The following EFCAB8 variants were observed in gnomAD, a reference collection of about 807,000 sequenced individuals.
EFCAB8 encodes EF-hand calcium binding domain 8, also known as EF-hand calcium-binding domain-containing protein 8.
A neutral mutation model predicts 116.3 loss-of-function variants in EFCAB8; 100 were observed. The observed-to-expected ratio is 0.86, with a 90% confidence interval of 0.73 to 1.02. The LOEUF (loss-of-function observed/expected upper bound fraction) is 1.02, where lower values mean the gene tolerates loss of function less well. Ranked by LOEUF, EFCAB8 falls within the 50% of genes least tolerant of loss-of-function variation. EFCAB8 has a pLI of 0.00. For missense variants in EFCAB8, 1,320 were observed against 1,416.9 expected, an observed-to-expected ratio of 0.93 and a Z score of 1.10; for synonymous variants, 558 against 567.9, an observed-to-expected ratio of 0.98 and a Z score of 0.25.
intron 5 of EFCAB8, among the ~76,000 whole-genome samples, chr20:32,884,359 G>A (rs1985498134): frequency 6.6e-6 from 1 of 152,156 alleles, no homozygotes; most frequent in Non-Finnish European, 1.5e-5. Flanking sequence ...GAGATGGCCT[G>A]TCCTTAGGGC....
intron 5 of EFCAB8, among the ~76,000 whole-genome samples, chr20:32,884,536 C>G (rs543182777): frequency 6.6e-6 from 1 of 152,186 alleles, no homozygotes; most frequent in African/African-American, 2.4e-5. Context: ...TGTCCAGACA[C>G]GTTTCCCTTG....
chr20:32,948,798 A>G (rs1039578468), intron 23 of EFCAB8, among the ~76,000 whole-genome samples: 3 of 152,190 alleles, frequency 2.0e-5, no homozygotes, highest in African/African-American at 7.2e-5. Context: ...ATCATTTGAC[A>G]AAATTCAACA....
intron 16 of EFCAB8, 122 bp from the exon 17 acceptor site, chr20:32,912,672 G>A (rs1365621544): frequency 1.0e-5 from 7 of 694,868 alleles, no homozygotes; most frequent in African/African-American, 9.0e-5. Context: ...GGTATCACCT[G>A]TAGGTGATTT....
intron 20 of EFCAB8, among the ~76,000 whole-genome samples, chr20:32,926,113 A>G (rs1053487046): frequency 2.0e-5 from 3 of 152,082 alleles, no homozygotes. Context: ...GCGCTCATTC[A>G]CCTTCACCCT....
chr20:32,893,279 C>T lies in EFCAB8; in HGVS notation c.864C>T (p.Leu288=), dbSNP rs946812712. The change falls in exon 9 of 27, where the codon CTC becomes CTT. Residue 288 remains leucine (L), a synonymous_variant. Transcript: ENST00000400522. The stretch of plus-strand genomic sequence containing the variant: ...GTGGGCTGTTCAACCCCCGTATCCT[C>T]CCCAGGGCCTCCAAGTGGGGTAGCT... ...MTSGLFNPRI[L]PRASKWDHWI... 6 of 1,551,708 alleles carry T rather than the reference C, an allele frequency of 3.9e-6. No homozygotes were observed. Among genetic ancestry groups the T allele is most frequent in the Non-Finnish European group, 5.2e-6 (6 of 1,147,010 alleles).
chr20:32,935,192 C>CTTTTTTTTTTTTTTT (rs753039647), intron 22 of EFCAB8, among the ~76,000 whole-genome samples: 23 of 34,042 alleles, frequency 6.8e-4, no homozygotes, highest in African/African-American at 1.1e-3. Context: ...TTCTTTCTTT[C>CTTTTTTTTTTTTTTT]TTTTTTTTTT....
intron 23 of EFCAB8, among the ~76,000 whole-genome samples, chr20:32,946,589 T>C (rs898430755): frequency 3.9e-5 from 6 of 152,206 alleles, no homozygotes; most frequent in African/African-American, 1.2e-4. Context: ...TCTTTGACTA[T>C]CCCCTAAATA....
At chr20:32,872,179 G>A (rs936302294) in intron 3 of EFCAB8, among the ~76,000 whole-genome samples, 3 of 152,172 alleles carry the variant, frequency 2.0e-5, no homozygotes, top group African/African-American at 7.2e-5. Flanking sequence ...GAATAGAATG[G>A]GGTTAAGAGC....
intron 1 of EFCAB8, among the ~76,000 whole-genome samples, chr20:32,862,763 G>T (rs867134806): frequency 7.2e-5 from 11 of 152,088 alleles, no homozygotes; most frequent in Middle Eastern, 3.2e-3. Flanking sequence ...AAGTAGCTGG[G>T]ATTACAGGAA....
chr20:32,896,274 G>C (rs972938182), intron 9 of EFCAB8, among the ~76,000 whole-genome samples, 180 bp from the exon 10 acceptor site: 5 of 152,158 alleles, frequency 3.3e-5, no homozygotes, highest in Non-Finnish European at 7.3e-5. Flanking sequence ...TCTTTTTCCT[G>C]GGGTGGGGGC....
chr20:32,892,195 C>T lies in EFCAB8; in HGVS notation c.674-18C>T. The T allele has an allele frequency of 1.3e-6, 2 of 1,550,650 alleles. No individual in the cohort carries two copies. The highest frequency in any genetic ancestry group is 4.9e-5 in the East Asian group (2 of 40,908). On this transcript the variant is annotated intron_variant, in intron 7 of 26. Coordinates refer to ENST00000400522, the MANE Select transcript of EFCAB8 (RefSeq NM_001143967.2). ...GGCATGGCTGTGGGCTCTATGTGGC[C>T]TTCTGTCTTTCCCCCAGATTTCTTT...
chr20:32,953,282 ATGGG>A (rs1988854327), intron 23 of EFCAB8, among the ~76,000 whole-genome samples: 1 of 152,168 alleles, frequency 6.6e-6, no homozygotes, highest in African/African-American at 2.4e-5. Flanking sequence ...TTCTGTGAAC[ATGGG>A]TGTGCAAGTA....
chr20:32,904,187 C>T (rs1049538422), intron 11 of EFCAB8, among the ~76,000 whole-genome samples: 1 of 151,448 alleles, frequency 6.6e-6, no homozygotes, highest in Non-Finnish European at 1.5e-5. Context: ...CAGATGGGAT[C>T]TTGCTGTGTT....
intron 24 of EFCAB8, among the ~76,000 whole-genome samples, 156 bp from the exon 25 acceptor site, chr20:32,959,622 C>T (rs1460165404): frequency 1.3e-5 from 2 of 152,142 alleles, no homozygotes; most frequent in Non-Finnish European, 2.9e-5. Context: ...TAATTCCATA[C>T]TTACTCAGTG....
At chr20:32,890,769 C>T (rs1985872949) in intron 7 of EFCAB8, among the ~76,000 whole-genome samples, 1 of 152,234 alleles carries the variant, frequency 6.6e-6, no homozygotes, top group African/African-American at 2.4e-5. Context: ...AGATGTCTGC[C>T]TATGAGCAAT....
intron 4 of EFCAB8, 72 bp from the exon 5 acceptor site, chr20:32,878,632 C>T (rs1362767540): frequency 4.8e-6 from 6 of 1,245,674 alleles, no homozygotes; most frequent in East Asian, 2.5e-5. Flanking sequence ...ATTCTCCTGC[C>T]GAGTTCTTGA....
chr20:32,899,112 G>A lies in EFCAB8; in HGVS notation c.1088+489G>A, dbSNP rs189410720. 1.4e-3 allele frequency among the ~76,000 whole-genome samples: 211 copies of A among 152,188 alleles called. 3 individuals are homozygous for A. The highest frequency in any genetic ancestry group is 4.8e-3 in the African/African-American group (201 of 41,534). ...TTGAAAAACTAGTTAGTCACCGGGC[G>A]CGGTGGCTCACGCCAGTAATCCCAG... On this transcript the variant is annotated intron_variant, in intron 11 of 26. Transcript: ENST00000400522.
intron 1 of EFCAB8, among the ~76,000 whole-genome samples, chr20:32,862,134 CTT>C (rs796463534): frequency 2.5e-4 from 35 of 141,724 alleles, no homozygotes; most frequent in Non-Finnish European, 2.8e-4. Flanking sequence ...TATTTCTTTT[CTT>C]TTTTTTTTTT....
chr20:32,935,192 C>CTTTTTTTTTTTTTTTTTTTTTTTT (rs753039647), intron 22 of EFCAB8, among the ~76,000 whole-genome samples: 17 of 34,044 alleles, frequency 5.0e-4, no homozygotes, highest in South Asian at 1.2e-3. Flanking sequence ...TTCTTTCTTT[C>CTTTTTTTTTTTTTTTTTTTTTTTT]TTTTTTTTTT....
Sources: gnomAD v4.1 joint callset for allele counts (sites outside exome capture counted in the v4.1 genomes callset) on GRCh38, gnomAD v4.1.1 for gene constraint, MANE v1.5 for transcripts, NCBI Gene and HGNC (gene_info 2026-07-23, HGNC 2026-07-21) for gene names.